Variants in CSMD2 observed in about 807,000 individuals in gnomAD.
CSMD2 encodes the protein CUB and Sushi multiple domains 2.
In CSMD2, 130 loss-of-function variants were observed where a neutral mutation model predicts 398.5. The ratio of observed to expected loss-of-function variants is 0.33; its 90% CI spans 0.28 to 0.38. The LOEUF is 0.38. Ranked by LOEUF, CSMD2 falls within the 10% of genes least tolerant of loss-of-function variation. CSMD2 has a pLI of 1.00. For synonymous variants in CSMD2, 1,828 were observed against 1,908.5 expected (o/e 0.96, Z 1.10); for missense variants, 3,829 against 4,764.9 (o/e 0.80, Z 5.78).
chr1:33,803,330 C>T (rs1368329170), intron 10 of CSMD2, among the ~76,000 whole-genome samples: 1 of 152,200 alleles, frequency 6.6e-6, no homozygotes, highest in East Asian at 1.9e-4. Context: ...AGATAACACC[C>T]AAACCTCTCT....
chr1:33,767,158 T>C (rs1650614515), intron 13 of CSMD2, among the ~76,000 whole-genome samples: 1 of 152,236 alleles, frequency 6.6e-6, no homozygotes, highest in Non-Finnish European at 1.5e-5. Context: ...GAATGATAAC[T>C]ATGTAGCAAC....
chr1:33,942,780 G>A (rs1644717875), intron 3 of CSMD2, among the ~76,000 whole-genome samples: 1 of 152,186 alleles, frequency 6.6e-6, no homozygotes, highest in Non-Finnish European at 1.5e-5. Context: ...ATCTCTCTGA[G>A]CTTTAACTGC....
chr1:33,987,119 T>C (rs951716808), intron 3 of CSMD2, among the ~76,000 whole-genome samples: 5 of 152,088 alleles, frequency 3.3e-5, no homozygotes, highest in Non-Finnish European at 5.9e-5. Context: ...TATCCCCCAG[T>C]AGAAGACAGC....
chr1:33,595,006 A>G (rs1639744885), intron 44 of CSMD2, among the ~76,000 whole-genome samples: 4 of 152,210 alleles, frequency 2.6e-5, no homozygotes, highest in Admixed American at 6.5e-5. Flanking sequence ...AAACTAGCAC[A>G]TTCTCTCACA....
At chr1:33,561,100 A>C (rs1658499736) in intron 53 of CSMD2, among the ~76,000 whole-genome samples, 2 of 152,160 alleles carry the variant, frequency 1.3e-5, no homozygotes, top group African/African-American at 4.8e-5. Flanking sequence ...TGAGGATCCC[A>C]CCTAAGACCC....
intron 1 of CSMD2, among the ~76,000 whole-genome samples, chr1:34,160,027 AG>A (rs1641186826): frequency 6.6e-6 from 1 of 152,200 alleles, no homozygotes; most frequent in Admixed American, 6.5e-5. Context: ...GGCTCTGCGG[AG>A]CAATCAGGTT....
intron 12 of CSMD2, among the ~76,000 whole-genome samples, chr1:33,783,298 A>G (rs1653029103): frequency 6.6e-6 from 1 of 152,156 alleles, no homozygotes; most frequent in African/African-American, 2.4e-5. Flanking sequence ...TGAGGCTCTT[A>G]GCCCCCAGTG....
intron 2 of CSMD2, among the ~76,000 whole-genome samples, chr1:34,083,395 T>C: frequency 6.6e-6 from 1 of 152,214 alleles, no homozygotes; most frequent in Non-Finnish European, 1.5e-5. Context: ...TTGTTGTAAA[T>C]TAATTATGAG....
intron 6 of CSMD2, among the ~76,000 whole-genome samples, chr1:33,833,698 G>T (rs868563539): frequency 6.6e-6 from 1 of 151,452 alleles, no homozygotes; most frequent in Non-Finnish European, 1.5e-5. Flanking sequence ...ATTAGGAAAA[G>T]AGGAAGTCAA....
At chr1:34,102,133 C>T (rs1419948954) in intron 1 of CSMD2, among the ~76,000 whole-genome samples, 2 of 152,066 alleles carry the variant, frequency 1.3e-5, no homozygotes, top group Admixed American at 1.3e-4. Context: ...CAGGTTAATG[C>T]CATTCTCCTG....
At chr1:33,740,178 C>G (rs546172126) in intron 14 of CSMD2, among the ~76,000 whole-genome samples, 1 of 152,324 alleles carries the variant, frequency 6.6e-6, no homozygotes, top group African/African-American at 2.4e-5. Flanking sequence ...TCCCTTCCTT[C>G]TTCCCTCCTC....
chr1:33,750,063 C>T (rs866382545), intron 13 of CSMD2, among the ~76,000 whole-genome samples: 44 of 152,174 alleles, frequency 2.9e-4, no homozygotes, highest in Admixed American at 2.4e-3. Context: ...ACATGACCTA[C>T]ACAACAAAAA....
intron 44 of CSMD2, chr1:33,599,880 C>A: frequency 2.5e-6 from 1 of 402,082 alleles, no homozygotes; most frequent in Non-Finnish European, 4.4e-6. Context: ...TGTGTTTCTG[C>A]AAGTGCACGC....
chr1:33,994,350 C>T (rs1211173243), intron 3 of CSMD2, among the ~76,000 whole-genome samples: 1 of 151,636 alleles, frequency 6.6e-6, no homozygotes, highest in Non-Finnish European at 1.5e-5. Context: ...GCCTGTCTTC[C>T]CCCTGATGAG....
intron 2 of CSMD2, among the ~76,000 whole-genome samples, chr1:34,048,700 C>T (rs1652829505): frequency 1.3e-5 from 2 of 152,188 alleles, no homozygotes; most frequent in South Asian, 4.1e-4. Context: ...GAGCACCGCA[C>T]CTGGTTTGAA....
Position 34,032,682 on chromosome 1 carries a change from G to A in CSMD2, c.429C>T (p.Ala143=). The part of the protein sequence containing the change: ...RTRLTGFQLP[A]TIVSAATTLS... Reference sequence around the variant, plus strand: ...GGGTGGTGGCTGCACTAACAATGGTGGCTGGCAGCTGAAAGCCTGTGAGCC... The same window carrying A: ...GGGTGGTGGCTGCACTAACAATGGTAGCTGGCAGCTGAAAGCCTGTGAGCC... The change falls in exon 3 of 71, where the codon GCC becomes GCT. Residue 143 remains alanine, a synonymous_variant. Transcript: ENST00000373381. 1 of 1,596,848 alleles carries A rather than the reference G, an allele frequency of 6.3e-7. No individual in the cohort carries two copies. Among genetic ancestry groups the A allele is most frequent in the East Asian group, 2.3e-5 (1 of 44,394 alleles).
At chr1:33,959,500 A>G (rs921756637) in intron 3 of CSMD2, among the ~76,000 whole-genome samples, 2 of 152,122 alleles carry the variant, frequency 1.3e-5, no homozygotes, top group African/African-American at 2.4e-5. Context: ...CCTCTAGGTG[A>G]CCAATTTAGT....
intron 12 of CSMD2, among the ~76,000 whole-genome samples, chr1:33,786,916 G>A (rs931388941): frequency 6.6e-6 from 1 of 152,206 alleles, no homozygotes; most frequent in Non-Finnish European, 1.5e-5. Flanking sequence ...CCAAAAAGAC[G>A]TGCTGAAGTT....
At chr1:34,015,937 C>T (rs1648029979) in intron 3 of CSMD2, among the ~76,000 whole-genome samples, 1 of 151,926 alleles carries the variant, frequency 6.6e-6, no homozygotes, top group African/African-American at 2.4e-5. Flanking sequence ...AAAGTATGGC[C>T]AGCCACCAGA....
Sources: gnomAD v4.1 joint callset for allele counts (sites outside exome capture counted in the v4.1 genomes callset) on GRCh38, gnomAD v4.1.1 for gene constraint, MANE v1.5 for transcripts, NCBI Gene and HGNC (gene_info 2026-07-23, HGNC 2026-07-21) for gene names.